Variants in ZNF197 observed in about 807,000 individuals in gnomAD.
ZNF197 encodes VHL-associated KRAB-A domain-containing protein.
Under a neutral mutation model 27.4 loss-of-function variants are expected in ZNF197, and 14 were observed. That is an observed-to-expected ratio of 0.51 (90% CI 0.34 to 0.80). ZNF197 has a LOEUF of 0.80. Among genes scored for constraint, ZNF197 ranks in the 30% least tolerant of loss-of-function variants. The pLI is 0.02. For missense variants in ZNF197, 1,090 were observed against 1,222.6 expected (o/e 0.89, Z 1.62); for synonymous variants, 415 against 420.0 (o/e 0.99, Z 0.15).
intron 5 of ZNF197, 150 bp from the exon 6 acceptor site, chr3:44,641,750 A>G (rs994445467): frequency 2.3e-5 from 21 of 898,656 alleles, no homozygotes; most frequent in African/African-American, 6.7e-5. Context: ...GTGTAGCATT[A>G]TTCTTTGTAC....
chr3:44,645,874 A>C lies in ZNF197; in HGVS notation c.*1654A>C. The C allele has an allele frequency of 1.0e-6, 1 of 985,424 alleles. No individual in the cohort carries two copies. The highest frequency in any genetic ancestry group is 1.2e-6 in the Non-Finnish European group (1 of 829,934). 61.0% of individuals were successfully genotyped at this position (985,424 alleles called of 1,614,324 possible). ...TGTGAACCATTCTGTGCCCTTGAGT[A>C]CATTTGTGGGTTTAACTCAGTCTAT... On this transcript the variant is annotated 3_prime_UTR_variant, in exon 6 of 6. Transcript: ENST00000344387.
chr3:44,629,627 T>C, intron 2 of ZNF197, 83 bp downstream of exon 2: 6 of 1,450,522 alleles, frequency 4.1e-6, no homozygotes, highest in Non-Finnish European at 5.5e-6. Flanking sequence ...GATCCTGTGA[T>C]TTTCATTAAA....
chr3:44,630,771 T>A (rs913228050), intron 2 of ZNF197: 9 of 541,046 alleles, frequency 1.7e-5, no homozygotes, highest in Non-Finnish European at 3.2e-5. Context: ...ATGCTCTTAA[T>A]TACTGCTTAT....
intron 5 of ZNF197, among the ~76,000 whole-genome samples, chr3:44,636,769 G>A (rs900343754): frequency 6.6e-5 from 10 of 152,154 alleles, no homozygotes; most frequent in African/African-American, 2.2e-4. Context: ...TTAATCATTT[G>A]AGGAACTTCC....
intron 5 of ZNF197, among the ~76,000 whole-genome samples, chr3:44,637,074 T>C (rs1332783081): frequency 1.3e-5 from 2 of 152,220 alleles, no homozygotes; most frequent in African/African-American, 4.8e-5. Context: ...TATTACTAAG[T>C]TGTAAGAGTT....
chr3:44,634,686 G>A (rs906475355), intron 5 of ZNF197, among the ~76,000 whole-genome samples: 13 of 152,250 alleles, frequency 8.5e-5, no homozygotes, highest in South Asian at 2.1e-4. Flanking sequence ...CTGACCTCAG[G>A]TGATCCACCC....
At chr3:44,632,376 A>G in intron 4 of ZNF197, 97 bp from the exon 5 acceptor site, 1 of 1,529,164 alleles carries the variant, frequency 6.5e-7, no homozygotes, top group Non-Finnish European at 8.8e-7. Context: ...TTATGCACTC[A>G]TGGCCTCACA....
intron 1 of ZNF197, among the ~76,000 whole-genome samples, chr3:44,628,591 C>T (rs993407109): frequency 5.3e-5 from 8 of 152,142 alleles, no homozygotes; most frequent in African/African-American, 1.9e-4. Context: ...GTACTAGTTA[C>T]AGAAGGGTAA....
At chr3:44,637,377 C>A (rs1447664366) in intron 5 of ZNF197, among the ~76,000 whole-genome samples, 3 of 152,208 alleles carry the variant, frequency 2.0e-5, no homozygotes, top group Non-Finnish European at 4.4e-5. Flanking sequence ...ATCTTCCTGC[C>A]TCAGCCTCCC....
rs150926985 is a variant in ZNF197 at position 44,643,966 on chromosome 3, G to A, written c.2836G>A (p.Val946Ile). The stretch of plus-strand genomic sequence containing the variant: ...ATCCTTTACTTCTAAGAGGAATTTA[G>A]TTGGCCACCAGAGAATTCACACAGG... Reference protein sequence around the residue: ...RKSFTSKRNLVGHQRIHTGEK... With the variant: ...RKSFTSKRNLIGHQRIHTGEK... Residue 946 changes from valine to isoleucine, a missense_variant, in exon 6 of 6, where the codon GTT becomes ATT. Coordinates refer to ENST00000344387, the MANE Select transcript of ZNF197 (RefSeq NM_006991.5). 3.7e-6 allele frequency: 6 copies of A among 1,613,998 alleles called. No homozygotes were observed. In the African/African-American group the frequency reaches 8.0e-5, roughly 22 times the overall value.
At chr3:44,638,958 C>T (rs1702454317) in intron 5 of ZNF197, among the ~76,000 whole-genome samples, 1 of 152,240 alleles carries the variant, frequency 6.6e-6, no homozygotes, top group Non-Finnish European at 1.5e-5. Flanking sequence ...AAGCAATCCA[C>T]CTACCTTGGC....
At chr3:44,625,792 T>C (rs1037812301) in intron 1 of ZNF197, among the ~76,000 whole-genome samples, 1 of 147,318 alleles carries the variant, frequency 6.8e-6, no homozygotes, top group Admixed American at 6.8e-5. Context: ...ACACACTCAT[T>C]GCCAACCTGT....
rs138605344 is a variant in ZNF197 at position 44,631,104 on chromosome 3, G to T, written c.433G>T (p.Val145Leu). The change falls in exon 3 of 6, where the codon GTG becomes TTG. Residue 145 changes from valine (V) to leucine (L), a missense_variant. Transcript: ENST00000344387. ...VKDQDTLQKV[V>L]SAPGTTLPPV... The stretch of plus-strand genomic sequence containing the variant: ...GGATCAGGACACTCTCCAGAAGGTG[G>T]TGAGTGCCCCAGGAACAACACTTCC... 9 of 1,613,972 alleles carry T rather than the reference G, an allele frequency of 5.6e-6. No individual in the cohort carries two copies. In the East Asian group the frequency reaches 1.8e-4, roughly 32 times the overall value.
Position 44,643,857 on chromosome 3 carries a change from A to G in ZNF197, c.2727A>G (p.Lys909=). Residue 909 remains lysine, a synonymous_variant, in exon 6 of 6, where the codon AAA becomes AAG. Transcript: ENST00000344387. ...CTTATAAATGTAATGAGTGTGGAAAAGACTTTAGTCAGAATAAAAACCTTG... is the reference window on the plus strand; with the variant it reads ...CTTATAAATGTAATGAGTGTGGAAAGGACTTTAGTCAGAATAAAAACCTTG... ...EKPYKCNECG[K]DFSQNKNLVV... is the part of the protein sequence containing the mutation. 6.2e-7 allele frequency: 1 copy of G among 1,613,562 alleles called. No individual in the cohort carries two copies. Among genetic ancestry groups the G allele is most frequent in the Non-Finnish European group, 8.5e-7 (1 of 1,179,876 alleles).
At chr3:44,627,089 A>G (rs1449604941) in intron 1 of ZNF197, among the ~76,000 whole-genome samples, 1 of 152,232 alleles carries the variant, frequency 6.6e-6, no homozygotes, top group Non-Finnish European at 1.5e-5. Context: ...TGTGAAAAAA[A>G]GGGAACTAGA....
rs1414845320 is a variant in ZNF197, at chr3:44,643,847, A to G, written c.2717A>G (p.Glu906Gly). The change falls in exon 6 of 6, where the codon GAG becomes GGG. Residue 906 changes from glutamate (E) to glycine (G), a missense_variant. Physicochemically the swap from Glu to Gly is moderately conservative, Grantham distance 98 (BLOSUM62 -2). Coordinates refer to ENST00000344387, the MANE Select transcript of ZNF197 (RefSeq NM_006991.5). ...GGAGAGAAACCTTATAAATGTAATG[A>G]GTGTGGAAAAGACTTTAGTCAGAAT... is the stretch of plus-strand genomic sequence containing the variant. ...HTGEKPYKCN[E>G]CGKDFSQNKN... is the part of the protein sequence containing the mutation. 1 of 1,613,428 alleles carries G rather than the reference A, an allele frequency of 6.2e-7. No homozygotes were observed.
At position 44,647,581 on chromosome 3, in the gene ZNF197, T is replaced by C. The variant is rs908348091; in HGVS notation, c.*3361T>C. 2.6e-5 allele frequency: 4 copies of C among 152,206 alleles called. No homozygotes were observed. The highest frequency in any genetic ancestry group is 9.7e-5 in the African/African-American group (4 of 41,436). 9.4% of individuals were successfully genotyped at this position (152,206 alleles called of 1,614,324 possible). A position where few individuals can be genotyped will look rare whatever the true frequency, so the allele number is the denominator to read the frequency against. ...CCTTCCTTAGGTGGTTAAAACAAATTGTGGTTTATGTATTACCATGGAATA... is the reference window on the plus strand; with the variant it reads ...CCTTCCTTAGGTGGTTAAAACAAATCGTGGTTTATGTATTACCATGGAATA... On this transcript the variant is annotated 3_prime_UTR_variant, in exon 6 of 6. Coordinates refer to ENST00000344387, the MANE Select transcript of ZNF197 (RefSeq NM_006991.5).
In ZNF197 at chr3:44,631,222, G is replaced by C. The variant is rs780213246; in HGVS notation, c.550+1G>C. ...TTCAACCTCCAGGATCCTCAGCATG[G>C]TATTTACTCAGTGCTCTGGGTTTTG... On this transcript the variant is annotated splice_donor_variant, in intron 3 of 5. Coordinates refer to ENST00000344387, the MANE Select transcript of ZNF197 (RefSeq NM_006991.5). LOFTEE classifies it high-confidence loss of function. 6.2e-7 allele frequency: 1 copy of C among 1,613,998 alleles called. No homozygotes were observed. The highest frequency in any genetic ancestry group is 8.5e-7 in the Non-Finnish European group (1 of 1,179,964).
At chr3:44,635,685 C>A (rs914669295) in intron 5 of ZNF197, among the ~76,000 whole-genome samples, 5 of 152,180 alleles carry the variant, frequency 3.3e-5, no homozygotes, top group Non-Finnish European at 7.3e-5. Context: ...TTGAGTACCT[C>A]CCCTGTCAGG....
Sources: allele counts gnomAD v4.1 joint callset (sites outside exome capture counted in the v4.1 genomes callset), GRCh38; gene constraint gnomAD v4.1.1; transcripts MANE v1.5; gene names NCBI Gene and HGNC (gene_info 2026-07-23, HGNC 2026-07-21).